AKAP7: variants seen among roughly 807,000 people sequenced by gnomAD.
The protein encoded by AKAP7 is A-kinase anchoring protein 7.
Under a neutral mutation model 39.5 loss-of-function variants are expected in AKAP7, and 39 were observed. The observed-to-expected ratio is 0.99, with a 90% CI of 0.76 to 1.29. The LOEUF (loss-of-function observed/expected upper bound fraction) is 1.29. Ranked by LOEUF, AKAP7 falls within the 50% of genes most tolerant of loss-of-function variation. The pLI is 0.00. For synonymous variants in AKAP7, 140 were observed against 139.1 expected, an observed-to-expected ratio of 1.01 and a Z score of -0.05; for missense variants, 414 against 407.7, an observed-to-expected ratio of 1.02 and a Z score of -0.13.
Position 131,160,118 on chromosome 6 carries a change from G to T in AKAP7, c.211G>T (p.Asp71Tyr). The T allele has an allele frequency of 1.9e-6, 3 of 1,611,468 alleles. No individual in the cohort carries two copies. Among genetic ancestry groups the T allele is most frequent in the Non-Finnish European group, 2.5e-6 (3 of 1,179,272 alleles). ...TCAAGAAAATGAATGGGTCAAGAGT[G>T]ATCAAGTAAAGAAGAGGAAAAAAAA... ...RSQENEWVKSDQVKKRKKKRK... is the reference protein window; with the variant it reads ...RSQENEWVKSYQVKKRKKKRK... Residue 71 changes from aspartate to tyrosine, a missense_variant, in exon 3 of 8, where the codon GAT (aspartate) becomes TAT (tyrosine). Physicochemically the swap from Asp to Tyr is radical, Grantham distance 160. Transcript: ENST00000431975.
At chr6:131,157,827 A>G (rs1802561363) in intron 2 of AKAP7, among the ~76,000 whole-genome samples, 1 of 152,234 alleles carries the variant, frequency 6.6e-6, no homozygotes, top group East Asian at 1.9e-4. Context: ...CACATTAATC[A>G]TTAGACATAT....
In AKAP7 at chr6:131,261,541, T is replaced by C. The variant is rs562336418; in HGVS notation, c.851-19989T>C. Among the ~76,000 whole-genome samples the C allele has an allele frequency of 1.1e-3, 161 of 152,302 alleles. 4 individuals are homozygous for C. The South Asian group carries it at 0.032, about 30-fold the overall frequency. Reference sequence around the variant, plus strand: ...ATAAAAATTCATTGAGATGCTATTATATACCCAGTACTGTACTTAACCTAC... The same window carrying C: ...ATAAAAATTCATTGAGATGCTATTACATACCCAGTACTGTACTTAACCTAC... On this transcript the variant is annotated intron_variant, in intron 7 of 7. Transcript: ENST00000431975.
At chr6:131,256,191 G>A (rs1015436922) in intron 7 of AKAP7, among the ~76,000 whole-genome samples, 9 of 152,302 alleles carry the variant, frequency 5.9e-5, no homozygotes, top group South Asian at 2.1e-4. Flanking sequence ...TACATTTTGC[G>A]TAAGATTTCT....
chr6:131,202,875 A>G (rs1044401053), intron 6 of AKAP7, among the ~76,000 whole-genome samples: 1 of 152,170 alleles, frequency 6.6e-6, no homozygotes, highest in African/African-American at 2.4e-5. Context: ...TCACTATTAT[A>G]GTGGTCAGTG....
intron 5 of AKAP7, chr6:131,184,801 T>G (rs760663033): frequency 6.9e-6 from 10 of 1,450,956 alleles, no homozygotes; most frequent in Non-Finnish European, 9.7e-6. Flanking sequence ...CTCAGCCAAG[T>G]GAGAGTGGGC....
intron 7 of AKAP7, among the ~76,000 whole-genome samples, chr6:131,244,910 C>G (rs1405589376): frequency 6.6e-6 from 1 of 152,020 alleles, no homozygotes; most frequent in Middle Eastern, 3.2e-3. Flanking sequence ...ATACAAATAC[C>G]TATAACTTTT....
At chr6:131,153,410 A>C (rs578040029) in intron 2 of AKAP7, among the ~76,000 whole-genome samples, 2 of 152,336 alleles carry the variant, frequency 1.3e-5, no homozygotes, top group African/African-American at 4.8e-5. Flanking sequence ...ATTTAGACAA[A>C]CCATGTCCTA....
chr6:131,190,626 C>T (rs1170689244), intron 5 of AKAP7, among the ~76,000 whole-genome samples: 6 of 146,140 alleles, frequency 4.1e-5, no homozygotes, highest in African/African-American at 1.5e-4. Context: ...GCCTGGGTGA[C>T]GGAGCGAGAT....
At chr6:131,240,164 G>A (rs1046797754) in intron 7 of AKAP7, among the ~76,000 whole-genome samples, 4 of 152,198 alleles carry the variant, frequency 2.6e-5, no homozygotes, top group East Asian at 1.9e-4. Context: ...GAGTTTGCTG[G>A]AGGTCCACTC....
At chr6:131,225,068 A>G (rs1810049640) in intron 7 of AKAP7, among the ~76,000 whole-genome samples, 1 of 151,760 alleles carries the variant, frequency 6.6e-6, no homozygotes, top group African/African-American at 2.4e-5. Context: ...CAGTTGATTT[A>G]CTTTCATATT....
In AKAP7 at chr6:131,270,905, G is replaced by A. The variant is rs149072792; in HGVS notation, c.851-10625G>A. ...AAAAAACTTTTCAGTTATTTTGGCC[G>A]TTTTTGTATTTGGTTGCTTTTCTTA... On this transcript the variant is annotated intron_variant, in intron 7 of 7. Coordinates refer to ENST00000431975, the MANE Select transcript of AKAP7 (RefSeq NM_016377.4). 2.0e-4 allele frequency among the ~76,000 whole-genome samples: 31 copies of A among 152,176 alleles called. 1 individual carries two copies. The highest frequency in any genetic ancestry group is 8.3e-4 in the South Asian group (4 of 4,814).
chr6:131,207,491 A>ATTTTTTTTTTTTTTTTTTTTTTTTTTTT (rs531582478), intron 6 of AKAP7, among the ~76,000 whole-genome samples: 2 of 78,806 alleles, frequency 2.5e-5, no homozygotes, highest in Non-Finnish European at 5.1e-5. Flanking sequence ...GCTAATTAAA[A>ATTTTTTTTTTTTTTTTTTTTTTTTTTTT]TTTTTTTTTT....
intron 6 of AKAP7, among the ~76,000 whole-genome samples, chr6:131,211,880 T>G (rs771823067): frequency 1.3e-5 from 2 of 151,954 alleles, no homozygotes; most frequent in Non-Finnish European, 2.9e-5. Context: ...CCATCATAAA[T>G]TGAACAAGTT....
chr6:131,168,471 A>G (rs1356744911), intron 4 of AKAP7, among the ~76,000 whole-genome samples: 1 of 152,028 alleles, frequency 6.6e-6, no homozygotes, highest in African/African-American at 2.4e-5. Context: ...AGAGGGAGAA[A>G]AGAAGAAGGA....
At chr6:131,268,975 CTTCT>C (rs1294729387) in intron 7 of AKAP7, among the ~76,000 whole-genome samples, 3 of 152,112 alleles carry the variant, frequency 2.0e-5, no homozygotes, top group Admixed American at 1.3e-4. Context: ...ATATTTATTT[CTTCT>C]TTGTCATAAA....
upstream of AKAP7, among the ~76,000 whole-genome samples, chr6:131,131,514 T>A (rs989112834): frequency 7.2e-5 from 11 of 151,996 alleles, no homozygotes; most frequent in South Asian, 2.1e-3. Context: ...TGCTTTATTT[T>A]TTGACAAATC....
At chr6:131,279,199 G>A (rs1336761554) in intron 7 of AKAP7, among the ~76,000 whole-genome samples, 6 of 152,192 alleles carry the variant, frequency 3.9e-5, no homozygotes, top group Non-Finnish European at 8.8e-5. Context: ...CTACAATCTC[G>A]TTTTGAGCTT....
intron 1 of AKAP7, among the ~76,000 whole-genome samples, chr6:131,138,560 A>C (rs1302685678): frequency 6.6e-6 from 1 of 152,208 alleles, no homozygotes; most frequent in Non-Finnish European, 1.5e-5. Context: ...CTTCTGGTCT[A>C]TTGCCAGATT....
chr6:131,177,186 C>T (rs1052313349), intron 5 of AKAP7, among the ~76,000 whole-genome samples: 1 of 152,164 alleles, frequency 6.6e-6, no homozygotes, highest in African/African-American at 2.4e-5. Context: ...TTCATCCTGA[C>T]AAACCTATGA....
Sources: gnomAD v4.1 joint callset for allele counts (sites outside exome capture counted in the v4.1 genomes callset) on GRCh38, gnomAD v4.1.1 for gene constraint, MANE v1.5 for transcripts, NCBI Gene and HGNC (gene_info 2026-07-23, HGNC 2026-07-21) for gene names.